MYPN: variants seen among roughly 807,000 people sequenced by gnomAD.
The protein encoded by MYPN is sarcomeric protein myopalladin, 145 kDa (MYOP).
MYPN carries 63 observed loss-of-function variants against 129.4 expected under a neutral mutation model. The ratio of observed to expected loss-of-function variants is 0.49; its 90% confidence interval spans 0.40 to 0.60. MYPN has a LOEUF of 0.60. MYPN is among the 20% of genes least tolerant of loss of function. MYPN has a pLI of 0.00. For missense variants in MYPN, 1,596 were observed against 1,635.4 expected (o/e 0.98, Z 0.42); for synonymous variants, 629 against 600.9 (o/e 1.05, Z -0.68).
intron 12 of MYPN, among the ~76,000 whole-genome samples, 186 bp downstream of exon 12, chr10:68,175,647 C>A (rs1025686064): frequency 2.0e-5 from 3 of 151,860 alleles, no homozygotes; most frequent in African/African-American, 7.3e-5. Flanking sequence ...TCGTAATTCT[C>A]CCAGTAGTTA....
rs952532974 is a variant in MYPN, at chr10:68,173,194, T to G, written c.1974-872T>G. Among the ~76,000 whole-genome samples the G allele has an allele frequency of 7.2e-5, 11 of 152,350 alleles. No individual in the cohort carries two copies. In the East Asian group the frequency reaches 1.9e-3, roughly 27 times the overall value. ...ATAAAGGTTTGTTATCGCGAGAGAATGAGAAACCTCTCTGAGACACATCCG... is the reference window on the plus strand; with the variant it reads ...ATAAAGGTTTGTTATCGCGAGAGAAGGAGAAACCTCTCTGAGACACATCCG... On this transcript the variant is annotated intron_variant, in intron 10 of 19. Coordinates refer to ENST00000358913, the MANE Select transcript of MYPN (RefSeq NM_032578.4).
In MYPN at chr10:68,174,656, T is replaced by C. The variant is rs1306908020; in HGVS notation, c.2564T>C (p.Met855Thr). 5 of 1,613,666 alleles carry C rather than the reference T, an allele frequency of 3.1e-6. No individual in the cohort carries two copies. The East Asian group carries it at 6.7e-5, about 22-fold the overall frequency. ...AMGLPRSAPS[M>T]PSQGLAKKNT... Reference sequence around the variant, plus strand: ...GGGCTGCCTAGAAGTGCACCATCCATGTAAGTGTCATTGAGGTTTCTTGAT... The same window carrying C: ...GGGCTGCCTAGAAGTGCACCATCCACGTAAGTGTCATTGAGGTTTCTTGAT... The change falls in exon 11 of 20, where the codon ATG becomes ACG. Residue 855 changes from methionine (M) to threonine (T), a missense_variant and splice_region_variant. Met to Thr is a moderately conservative substitution (Grantham distance 81). Coordinates refer to ENST00000358913, the MANE Select transcript of MYPN (RefSeq NM_032578.4).
Position 68,121,500 on chromosome 10 carries a change from T to A in MYPN, c.62T>A (p.Leu21Ter), listed in dbSNP as rs2042240579. Residue 21 changes from leucine (L) to a stop codon, truncating the protein, a stop_gained, in exon 2 of 20, where the codon TTA becomes TAA. Transcript: ENST00000358913. LOFTEE classifies it high-confidence loss of function. ...SISQLLRESYLAETRHRGNNE... is the reference protein window; with the variant it reads ...SISQLLRESY ...TCTCAGCTTCTAAGAGAGAGCTATTTAGCTGAAACCAGACATCGGGGAAAC... is the reference window on the plus strand; with the variant it reads ...TCTCAGCTTCTAAGAGAGAGCTATTAAGCTGAAACCAGACATCGGGGAAAC... The A allele has an allele frequency of 6.2e-7, 1 of 1,614,202 alleles. No homozygotes were observed. Among genetic ancestry groups the A allele is most frequent in the African/African-American group, 1.3e-5 (1 of 75,056 alleles).
At chr10:68,093,168 A>G (rs1393788617) in intron 1 of MYPN, among the ~76,000 whole-genome samples, 6 of 152,170 alleles carry the variant, frequency 3.9e-5, no homozygotes, top group Non-Finnish European at 8.8e-5. Flanking sequence ...GTGAGCCACC[A>G]GGTCCAGCTG....
chr10:68,153,040 C>T (rs2042803847), intron 6 of MYPN, among the ~76,000 whole-genome samples: 1 of 151,298 alleles, frequency 6.6e-6, no homozygotes, highest in Non-Finnish European at 1.5e-5. Flanking sequence ...AGCTGGAGTG[C>T]AGTGGCATGA....
Position 68,210,318 on chromosome 10 carries a change from T to A in MYPN, c.3826T>A (p.Ser1276Thr), listed in dbSNP as rs2043888970. The A allele has an allele frequency of 6.2e-7, 1 of 1,613,950 alleles. No homozygotes were observed. Among genetic ancestry groups the A allele is most frequent in the Non-Finnish European group, 8.5e-7 (1 of 1,180,026 alleles). Residue 1276 changes from serine to threonine, a missense_variant, in exon 20 of 20, where the codon TCT (serine) becomes ACT (threonine). Transcript: ENST00000358913. ...GCACCATCAGATCCCACCGCCCATG[T>A]CTGTCCGGCCCAGTGGCAGTCGCTA... is the stretch of plus-strand genomic sequence containing the variant. ...QWHHQIPPPMSVRPSGSRYGS... is the reference protein window; with the variant it reads ...QWHHQIPPPMTVRPSGSRYGS...
chr10:68,111,084 G>C (rs1038553833), intron 1 of MYPN, among the ~76,000 whole-genome samples: 5 of 152,134 alleles, frequency 3.3e-5, no homozygotes, highest in Non-Finnish European at 5.9e-5. Flanking sequence ...ACTACAATAT[G>C]CTTACAAAGG....
chr10:68,160,097 A>G (rs2042948328), intron 7 of MYPN, among the ~76,000 whole-genome samples: 1 of 152,100 alleles, frequency 6.6e-6, no homozygotes, highest in Non-Finnish European at 1.5e-5. Flanking sequence ...CAACAATAAT[A>G]TATTCTGAAT....
intron 10 of MYPN, among the ~76,000 whole-genome samples, chr10:68,169,181 T>TAAAAAAAAAAAAAAAAAAAA (rs59317396): frequency 1.1e-5 from 1 of 91,072 alleles, no homozygotes; most frequent in African/African-American, 6.7e-5. Context: ...CCGTCTCTAC[T>TAAAAAAAAAAAAAAAAAAAA]AAAAAAAAAA....
upstream of MYPN, among the ~76,000 whole-genome samples, chr10:68,108,267 T>TA (rs1194951707): frequency 6.6e-6 from 1 of 152,244 alleles, no homozygotes. Flanking sequence ...TAAAACCACA[T>TA]AAAAAAGGTG....
chr10:68,148,536 T>C (rs1292218813), intron 5 of MYPN, 69 bp downstream of exon 5: 10 of 1,227,694 alleles, frequency 8.1e-6, no homozygotes, highest in Non-Finnish European at 1.2e-5. Context: ...CATGACCATC[T>C]TGCATGGCAT....
chr10:68,158,821 G>C (rs956296953), intron 7 of MYPN, among the ~76,000 whole-genome samples, 194 bp downstream of exon 7: 1 of 151,912 alleles, frequency 6.6e-6, no homozygotes, highest in Non-Finnish European at 1.5e-5. Context: ...TTAAAGAAAA[G>C]CATCATATTC....
intron 3 of MYPN, among the ~76,000 whole-genome samples, chr10:68,144,570 G>C (rs758060966): frequency 6.6e-6 from 1 of 151,936 alleles, no homozygotes; most frequent in African/African-American, 2.4e-5. Flanking sequence ...ATATATCTTC[G>C]TGGAATGCAC....
At chr10:68,191,969 C>T (rs1004638802) in intron 13 of MYPN, among the ~76,000 whole-genome samples, 1 of 152,134 alleles carries the variant, frequency 6.6e-6, no homozygotes, top group African/African-American at 2.4e-5. Context: ...TTGACTTCTT[C>T]CTTTCCAATT....
chr10:68,146,720 T>C (rs2042672576), intron 4 of MYPN, among the ~76,000 whole-genome samples: 1 of 152,254 alleles, frequency 6.6e-6, no homozygotes, highest in African/African-American at 2.4e-5. Context: ...CTTCTTAGGC[T>C]AAAATAGAAA....
At position 68,174,724 on chromosome 10, in the gene MYPN, G is replaced by A. The variant is rs1482156840; in HGVS notation, c.2564+68G>A. The A allele has an allele frequency of 6.4e-6, 9 of 1,416,122 alleles. No homozygotes were observed. The East Asian group carries it at 2.1e-4, about 32-fold the overall frequency. 87.7% of individuals were successfully genotyped at this position (1,416,122 alleles called of 1,614,324 possible). A position where few individuals can be genotyped will look rare whatever the true frequency, so the allele number is the denominator to read the frequency against. ...AGTCGATGTGCACATTGAATAGCTT[G>A]ATCTGAAACAGGGCTCTCATTTTGT... On this transcript the variant is annotated intron_variant, in intron 11 of 19. Coordinates refer to ENST00000358913, the MANE Select transcript of MYPN (RefSeq NM_032578.4).
upstream of MYPN, among the ~76,000 whole-genome samples, chr10:68,105,063 A>G (rs1441800255): frequency 6.6e-6 from 1 of 152,198 alleles, no homozygotes; most frequent in Non-Finnish European, 1.5e-5. Context: ...GATTATAGGC[A>G]TGAGCCACCA....
At chr10:68,141,073 ACC>A (rs545817157) in intron 2 of MYPN, among the ~76,000 whole-genome samples, 5 of 150,652 alleles carry the variant, frequency 3.3e-5, no homozygotes, top group African/African-American at 1.2e-4. Context: ...TTCCTCCACC[ACC>A]CCCCCAAAAA....
At chr10:68,140,783 G>A (rs1276713281) in intron 2 of MYPN, among the ~76,000 whole-genome samples, 1 of 152,162 alleles carries the variant, frequency 6.6e-6, no homozygotes, top group Non-Finnish European at 1.5e-5. Flanking sequence ...TTAGAATCTT[G>A]CCTTATAGGA....
Sources: gnomAD v4.1 joint callset for allele counts (sites outside exome capture counted in the v4.1 genomes callset) on GRCh38, gnomAD v4.1.1 for gene constraint, MANE v1.5 for transcripts, NCBI Gene and HGNC (gene_info 2026-07-23, HGNC 2026-07-21) for gene names.